PTBP3: variants seen among roughly 807,000 people sequenced by gnomAD.
The protein encoded by PTBP3 is polypyrimidine tract binding protein 3, also known as polypyrimidine tract-binding protein 3.
In PTBP3, 20 loss-of-function variants were observed where a neutral mutation model predicts 58.7. The ratio of observed to expected loss-of-function variants is 0.34; its 90% CI spans 0.24 to 0.50. PTBP3 has a LOEUF of 0.50. Ranked by LOEUF, PTBP3 falls within the 20% of genes least tolerant of loss-of-function variation. The probability of loss-of-function intolerance (pLI) is 0.98; values close to 1 mark genes in which losing one functional copy is unlikely to be tolerated. For missense variants in PTBP3, 509 were observed against 637.2 expected, an observed-to-expected ratio of 0.80 and a Z score of 2.17; for synonymous variants, 185 against 219.8, an observed-to-expected ratio of 0.84 and a Z score of 1.40.
intron 7 of PTBP3, among the ~76,000 whole-genome samples, chr9:112,238,483 G>A (rs1203110600): frequency 6.6e-6 from 1 of 152,130 alleles, no homozygotes; most frequent in Non-Finnish European, 1.5e-5. Flanking sequence ...CAGAAAGGCA[G>A]GAGAGAAATA....
At chr9:112,343,790 CAAAA>C in the PTBP3 span, among the ~76,000 whole-genome samples, 7 of 143,196 alleles carry the variant, frequency 4.9e-5, no homozygotes, top group African/African-American at 5.1e-5. Flanking sequence ...GACTCTATCT[CAAAA>C]AAAAAAAAAA....
intron 11 of PTBP3, among the ~76,000 whole-genome samples, 166 bp downstream of exon 11, chr9:112,228,214 A>AT (rs1391582705): frequency 2.6e-5 from 4 of 152,198 alleles, no homozygotes; most frequent in Non-Finnish European, 5.9e-5. Flanking sequence ...AGTGATGAAT[A>AT]TTTTTTAACC....
intron 2 of PTBP3, among the ~76,000 whole-genome samples, chr9:112,295,139 C>T (rs1828613004): frequency 1.3e-5 from 2 of 151,038 alleles, no homozygotes; most frequent in Non-Finnish European, 2.9e-5. Flanking sequence ...ACTCAGAGGC[C>T]GAGGCAGGAG....
chr9:112,281,048 C>CTG (rs1462657964), intron 2 of PTBP3: 10 of 152,204 alleles, frequency 6.6e-5, no homozygotes, highest in African/African-American at 2.4e-4. Flanking sequence ...TGGCAAGTAC[C>CTG]TGTAGTCTCA....
At chr9:112,269,196 C>CAA (rs5899997) in intron 3 of PTBP3, among the ~76,000 whole-genome samples, 15 of 91,242 alleles carry the variant, frequency 1.6e-4, no homozygotes, top group East Asian at 6.1e-4. Context: ...AACTCTGTCT[C>CAA]AAAAAAAAAA....
chr9:112,357,155 T>A, the PTBP3 span, among the ~76,000 whole-genome samples: 280 of 152,222 alleles, frequency 1.8e-3, 1 homozygote, highest in Non-Finnish European at 2.0e-3. Flanking sequence ...GTGTTGAGAT[T>A]ACAGGCATGA....
upstream of PTBP3, among the ~76,000 whole-genome samples, chr9:112,334,806 G>C (rs1830536358): frequency 1.3e-5 from 2 of 152,124 alleles, no homozygotes; most frequent in South Asian, 4.1e-4. Context: ...AGAAAATCAG[G>C]TTCCAGCCGT....
chr9:112,360,413 T>C, the PTBP3 span, among the ~76,000 whole-genome samples: 1 of 152,152 alleles, frequency 6.6e-6, no homozygotes, highest in Non-Finnish European at 1.5e-5. Flanking sequence ...CTCATACTCC[T>C]GGGCTCAAGT....
intron 2 of PTBP3, among the ~76,000 whole-genome samples, chr9:112,291,254 G>A (rs1285791704): frequency 1.3e-5 from 2 of 151,476 alleles, no homozygotes; most frequent in African/African-American, 4.9e-5. Context: ...ACACATCCAT[G>A]TTCATGGATT....
chr9:112,366,001 G>C, the PTBP3 span, among the ~76,000 whole-genome samples: 10 of 152,152 alleles, frequency 6.6e-5, no homozygotes, highest in South Asian at 2.1e-4. Context: ...GCAGAAATTT[G>C]CATAAGTGGC....
intron 3 of PTBP3, among the ~76,000 whole-genome samples, chr9:112,274,073 T>C (rs1043846883): frequency 6.6e-6 from 1 of 152,182 alleles, no homozygotes; most frequent in Admixed American, 6.5e-5. Context: ...TAGTAGCAAT[T>C]GTGTTAAAAT....
chr9:112,230,124 TA>T (rs1244092110), intron 10 of PTBP3, among the ~76,000 whole-genome samples: 2 of 152,076 alleles, frequency 1.3e-5, no homozygotes, highest in Non-Finnish European at 2.9e-5. Flanking sequence ...CCAAAGCAGG[TA>T]AACTGTATGG....
At chr9:112,317,665 T>C (rs541918268) in intron 1 of PTBP3, among the ~76,000 whole-genome samples, 35 of 152,142 alleles carry the variant, frequency 2.3e-4, no homozygotes, top group African/African-American at 8.2e-4. Context: ...GAAAACATTA[T>C]GGGCCGGGCA....
At chr9:112,313,198 C>T (rs184782578) in intron 1 of PTBP3, among the ~76,000 whole-genome samples, 110 of 97,932 alleles carry the variant, frequency 1.1e-3, no homozygotes, top group African/African-American at 4.6e-3. Flanking sequence ...CTTACTCTGA[C>T]ATTAATAAGA....
intron 2 of PTBP3, chr9:112,281,285 C>CA (rs1403070100): frequency 5.3e-6 from 1 of 188,454 alleles, no homozygotes; most frequent in Non-Finnish European, 1.1e-5. Context: ...CAACAGCTAC[C>CA]AACTATTGCT....
chr9:112,236,275 T>C (rs1266940675), intron 7 of PTBP3, among the ~76,000 whole-genome samples: 2 of 152,068 alleles, frequency 1.3e-5, no homozygotes, highest in African/African-American at 2.4e-5. Flanking sequence ...TGAGAGTAAC[T>C]GACAGAATAA....
At position 112,290,685 on chromosome 9, in the gene PTBP3, AAAATATAT is replaced by A. The variant is rs1245164958; in HGVS notation, c.34+7139_34+7146del. 6.1e-3 allele frequency among the ~76,000 whole-genome samples: 235 copies of A among 38,386 alleles called. 2 individuals are homozygous for A. The highest frequency in any genetic ancestry group is 0.027 in the African/African-American group (227 of 8,288). 25.2% of individuals were successfully genotyped at this position (38,386 alleles called of 152,430 possible). A position where few individuals can be genotyped will look rare whatever the true frequency, so the allele number is the denominator to read the frequency against. ...AGACTCTGTCTTTAAAAAAAAAAAA[AAAATATAT>A]ATATATATATATATACACACACACA... On this transcript the variant is annotated intron_variant, in intron 2 of 13. Transcript: ENST00000374257.
intron 1 of PTBP3, among the ~76,000 whole-genome samples, chr9:112,302,155 T>C (rs1461433024): frequency 6.6e-6 from 1 of 151,418 alleles, no homozygotes; most frequent in Non-Finnish European, 1.5e-5. Flanking sequence ...TACCAGAAAC[T>C]ACACAAATTT....
intron 2 of PTBP3, among the ~76,000 whole-genome samples, chr9:112,292,949 G>A (rs1334650714): frequency 1.3e-5 from 2 of 151,874 alleles, no homozygotes; most frequent in Non-Finnish European, 2.9e-5. Context: ...AAGCAAACAC[G>A]GTGAAACACA....
Sources: gnomAD v4.1 joint callset for allele counts (sites outside exome capture counted in the v4.1 genomes callset) on GRCh38, gnomAD v4.1.1 for gene constraint, MANE v1.5 for transcripts, NCBI Gene and HGNC (gene_info 2026-07-23, HGNC 2026-07-21) for gene names.